Variants in RBFOX1 observed in about 807,000 individuals in gnomAD.
RBFOX1 encodes RNA binding protein fox-1 homolog 1.
Under a neutral mutation model 57.7 loss-of-function variants are expected in RBFOX1, and 8 were observed. The observed-to-expected ratio is 0.14, with a 90% confidence interval of 0.08 to 0.25. RBFOX1 has a LOEUF of 0.25. Ranked by LOEUF, RBFOX1 falls within the 10% of genes least tolerant of loss-of-function variation. The pLI is 1.00. For missense variants in RBFOX1, 611 were observed against 548.5 expected (o/e 1.11, Z -1.14); for synonymous variants, 326 against 222.4 (o/e 1.47, Z -4.15).
intron 3 of RBFOX1, among the ~76,000 whole-genome samples, chr16:5,733,632 C>G (rs2052463362): frequency 6.6e-6 from 1 of 152,138 alleles, no homozygotes; most frequent in Non-Finnish European, 1.5e-5. Flanking sequence ...TGATGTTACT[C>G]TTGTCCACTT....
At chr16:7,079,199 A>G (rs1202749893) in intron 4 of RBFOX1, among the ~76,000 whole-genome samples, 1 of 152,092 alleles carries the variant, frequency 6.6e-6, no homozygotes. Flanking sequence ...TGCACCATCC[A>G]GGCGCGGGAC....
chr16:6,318,312 T>C (rs2081353573), intron 2 of RBFOX1, among the ~76,000 whole-genome samples: 2 of 152,332 alleles, frequency 1.3e-5, no homozygotes, highest in Non-Finnish European at 2.9e-5. Flanking sequence ...TTCATGCCTT[T>C]GAAGTTCAGG....
At chr16:7,577,360 A>T (rs1334764037) in intron 5 of RBFOX1, among the ~76,000 whole-genome samples, 1 of 152,104 alleles carries the variant, frequency 6.6e-6, no homozygotes. Context: ...TACATGCCTC[A>T]TCTGACCAGT....
chr16:6,329,233 GT>G (rs1476629987), intron 2 of RBFOX1, among the ~76,000 whole-genome samples: 3 of 152,166 alleles, frequency 2.0e-5, no homozygotes, highest in Admixed American at 6.5e-5. Context: ...CATGGTGGAA[GT>G]TTTGCTTATG....
At chr16:6,791,710 G>T (rs1029119920) in intron 3 of RBFOX1, among the ~76,000 whole-genome samples, 7 of 152,156 alleles carry the variant, frequency 4.6e-5, no homozygotes, top group Admixed American at 4.6e-4. Context: ...AGTGAGCAGA[G>T]ATCGTGCCAC....
chr16:7,510,411 C>T (rs1004143423), intron 4 of RBFOX1: 1 of 903,658 alleles, frequency 1.1e-6, no homozygotes, highest in Non-Finnish European at 1.3e-6. Context: ...GTCGGTGACA[C>T]GTAGCTTGCT....
At chr16:6,050,474 C>A (rs745831363) in intron 1 of RBFOX1, among the ~76,000 whole-genome samples, 4 of 152,166 alleles carry the variant, frequency 2.6e-5, no homozygotes, top group Non-Finnish European at 5.9e-5. Flanking sequence ...AGGTCAGATG[C>A]AAGTTCCATT....
chr16:7,015,187 G>C (rs951249239), intron 3 of RBFOX1, among the ~76,000 whole-genome samples: 1 of 152,162 alleles, frequency 6.6e-6, no homozygotes, highest in Non-Finnish European at 1.5e-5. Context: ...TTGTTGTGGT[G>C]ACAGCAGCAG....
chr16:5,479,632 G>A (rs776549343), intron 2 of RBFOX1, among the ~76,000 whole-genome samples: 6 of 150,918 alleles, frequency 4.0e-5, no homozygotes, highest in Admixed American at 1.3e-4. Flanking sequence ...GGTGGTGCAC[G>A]CCTGTCATCG....
At chr16:7,442,536 C>T (rs1423091685) in intron 4 of RBFOX1, among the ~76,000 whole-genome samples, 2 of 152,092 alleles carry the variant, frequency 1.3e-5, no homozygotes, top group Non-Finnish European at 1.5e-5. Flanking sequence ...ACTGCTTTTG[C>T]CCAAGGGCTG....
intron 1 of RBFOX1, among the ~76,000 whole-genome samples, chr16:6,123,535 G>C (rs1031476855): frequency 6.6e-5 from 10 of 152,226 alleles, no homozygotes; most frequent in African/African-American, 2.4e-4. Flanking sequence ...AGTGAATTCA[G>C]AGTCTCAGTA....
At chr16:7,610,625 C>T (rs1403075819) in intron 10 of RBFOX1, among the ~76,000 whole-genome samples, 2 of 152,134 alleles carry the variant, frequency 1.3e-5, no homozygotes, top group Non-Finnish European at 2.9e-5. Flanking sequence ...TTCAGCTGTA[C>T]GTTTGTATGT....
intron 11 of RBFOX1, among the ~76,000 whole-genome samples, chr16:7,645,164 C>T (rs1429049020): frequency 6.6e-6 from 1 of 152,088 alleles, no homozygotes; most frequent in Non-Finnish European, 1.5e-5. Flanking sequence ...CGATGCATCC[C>T]AATCAGACCT....
At chr16:6,367,419 C>T (rs2089806343) in intron 2 of RBFOX1, among the ~76,000 whole-genome samples, 1 of 152,074 alleles carries the variant, frequency 6.6e-6, no homozygotes, top group Non-Finnish European at 1.5e-5. Context: ...TACAGGCATG[C>T]ACCACCATGC....
chr16:5,990,500 C>CT (rs2060374236), intron 4 of RBFOX1, among the ~76,000 whole-genome samples: 2 of 152,184 alleles, frequency 1.3e-5, no homozygotes, highest in South Asian at 4.1e-4. Flanking sequence ...CCATTTCTTT[C>CT]TTTTTTCTGC....
intron 3 of RBFOX1, among the ~76,000 whole-genome samples, chr16:7,037,272 T>G (rs1446216019): frequency 2.8e-5 from 4 of 140,696 alleles, no homozygotes; most frequent in Non-Finnish European, 6.1e-5. Context: ...GGAGTTTTGC[T>G]CTTGTTGCCC....
chr16:7,535,317 C>G (rs59716506), intron 5 of RBFOX1, among the ~76,000 whole-genome samples: 6,167 of 152,274 alleles, frequency 0.04, 174 homozygotes, highest in African/African-American at 0.071. Context: ...AATCTGCCTT[C>G]ACGGTCACTT....
chr16:6,274,588 G>T (rs1368919948), intron 1 of RBFOX1, among the ~76,000 whole-genome samples: 1 of 152,154 alleles, frequency 6.6e-6, no homozygotes, highest in Non-Finnish European at 1.5e-5. Context: ...AAGGATCTTT[G>T]TGCAAATGGA....
intron 5 of RBFOX1, among the ~76,000 whole-genome samples, chr16:7,525,296 T>C (rs970726940): frequency 6.6e-6 from 1 of 152,174 alleles, no homozygotes; most frequent in African/African-American, 2.4e-5. Context: ...TTATTTTGTG[T>C]GTGTGTGTGT....
Sources: gnomAD v4.1 joint callset for allele counts (sites outside exome capture counted in the v4.1 genomes callset) on GRCh38, gnomAD v4.1.1 for gene constraint, MANE v1.5 for transcripts, NCBI Gene and HGNC (gene_info 2026-07-23, HGNC 2026-07-21) for gene names.